The following KIF13B variants were observed in gnomAD, a reference collection of about 807,000 sequenced individuals.
The protein encoded by KIF13B is kinesin-like protein KIF13B.
A neutral mutation model predicts 222.0 loss-of-function variants in KIF13B; 127 were observed. That is an observed-to-expected ratio of 0.57 (90% CI 0.50 to 0.66). KIF13B has a LOEUF of 0.66. Ranked by LOEUF, KIF13B falls within the 30% of genes least tolerant of loss-of-function variation. The probability of loss-of-function intolerance (pLI) is 0.00; values close to 1 mark genes in which losing one functional copy is unlikely to be tolerated. For synonymous variants in KIF13B, 976 were observed against 919.0 expected (o/e 1.06, Z -1.12); for missense variants, 2,173 against 2,379.0 (o/e 0.91, Z 1.80).
intron 26 of KIF13B, among the ~76,000 whole-genome samples, chr8:29,125,925 T>G (rs1473558607): frequency 1.3e-5 from 2 of 151,818 alleles, no homozygotes; most frequent in South Asian, 2.1e-4. Flanking sequence ...GGGCCAACAT[T>G]GTGAAACCCC....
Position 29,070,600 on chromosome 8 carries a change from CGA to C in KIF13B, c.5383_5384del (p.Ser1795GlyfsTer24), listed in dbSNP as rs767942918. The C allele has an allele frequency of 7.5e-6, 12 of 1,593,938 alleles. No homozygotes were observed. Among genetic ancestry groups the C allele is most frequent in the East Asian group, 2.3e-5 (1 of 43,838 alleles). ...APEARRSATL[S>X]GSATNLASLT... is the part of the protein sequence containing the mutation. ...GCGAGGCCAGGTTGGTGGCGGAGCCCGAGAGGGTGGCGCTCCGGCGGGCCTCG... is the reference window on the plus strand; with the variant it reads ...GCGAGGCCAGGTTGGTGGCGGAGCCCGAGGGTGGCGCTCCGGCGGGCCTCG... On this transcript the variant is annotated frameshift_variant, in exon 40 of 40. Transcript: ENST00000524189. LOFTEE classifies it high-confidence loss of function. This position sits in a 1 kb window ranked among gnomAD's most constrained non-coding sequence, Gnocchi z 4.1.
At chr8:29,111,684 A>G (rs1586793217) in intron 32 of KIF13B, among the ~76,000 whole-genome samples, 1 of 152,184 alleles carries the variant, frequency 6.6e-6, no homozygotes, top group East Asian at 1.9e-4. Context: ...ACTAAGTGGG[A>G]GAGAAGGAAA....
At chr8:29,250,977 C>A (rs187301002) in intron 1 of KIF13B, among the ~76,000 whole-genome samples, 1 of 152,032 alleles carries the variant, frequency 6.6e-6, no homozygotes, top group East Asian at 1.9e-4. Flanking sequence ...ATGGTGAAAC[C>A]CCATCTCTAC....
At chr8:29,233,028 T>C (rs1435588715) in intron 2 of KIF13B, among the ~76,000 whole-genome samples, 1 of 152,192 alleles carries the variant, frequency 6.6e-6, no homozygotes, top group Non-Finnish European at 1.5e-5. Context: ...TGGTGGCATG[T>C]GCCTTTGATC....
chr8:29,224,992 C>T (rs905975062), intron 2 of KIF13B, among the ~76,000 whole-genome samples: 2 of 152,142 alleles, frequency 1.3e-5, no homozygotes, highest in African/African-American at 4.8e-5. Flanking sequence ...ATCTGGCAAA[C>T]ATGAGTACAG....
chr8:29,234,520 G>C (rs1701191993), intron 2 of KIF13B, among the ~76,000 whole-genome samples: 1 of 148,020 alleles, frequency 6.8e-6, no homozygotes, highest in African/African-American at 2.5e-5. Flanking sequence ...GGAGGAATGG[G>C]GATCTCGTAT....
intron 14 of KIF13B, among the ~76,000 whole-genome samples, chr8:29,151,647 TCA>T (rs1014757558): frequency 6.6e-6 from 1 of 152,222 alleles, no homozygotes; most frequent in African/African-American, 2.4e-5. Flanking sequence ...TCTGTTTACA[TCA>T]CAGTTTGCTG....
At chr8:29,186,246 G>A in intron 6 of KIF13B, 46 bp downstream of exon 6, 1 of 1,474,544 alleles carries the variant, frequency 6.8e-7, no homozygotes, top group South Asian at 1.3e-5. Context: ...ATTTAAGTCT[G>A]TTTCAGTTCA....
chr8:29,181,631 G>A (rs1314179808), intron 7 of KIF13B, among the ~76,000 whole-genome samples: 1 of 152,098 alleles, frequency 6.6e-6, no homozygotes, highest in African/African-American at 2.4e-5. Flanking sequence ...GCCCCAGAAT[G>A]GGAAAACAAC....
chr8:29,179,128 A>ATT lies in KIF13B; in HGVS notation c.720+974_720+975dup, dbSNP rs5890442. On this transcript the variant is annotated intron_variant, in intron 8 of 39. Transcript: ENST00000524189. ...AAGAACCTCTGCTAAATCAGCTAGAATTTTTTTTTTTTTGAGACAGAGTCT... is the reference window on the plus strand; with the variant it reads ...AAGAACCTCTGCTAAATCAGCTAGAATTTTTTTTTTTTTTTGAGACAGAGTCT... Among the ~76,000 whole-genome samples the ATT allele has an allele frequency of 4.2e-3, 621 of 149,090 alleles. 3 individuals are homozygous for ATT. Among genetic ancestry groups the ATT allele is most frequent in the East Asian group, 0.026 (134 of 5,088 alleles).
At chr8:29,181,676 T>C (rs1812718375) in intron 7 of KIF13B, among the ~76,000 whole-genome samples, 1 of 152,268 alleles carries the variant, frequency 6.6e-6, no homozygotes, top group Admixed American at 6.5e-5. Flanking sequence ...TCTAGATTGA[T>C]TCCAAACCCA....
At position 29,071,583 on chromosome 8, in the gene KIF13B, C is replaced by T. The variant is rs1486879030; in HGVS notation, c.5218+37G>A. ...CCACGTTCCTGCTTCCCCAGACCCC[C>T]GGCACCACCCTGGAGCCCGGAGTGC... is the stretch of plus-strand genomic sequence containing the variant. On this transcript the variant is annotated intron_variant, in intron 39 of 39. Coordinates refer to ENST00000524189, the MANE Select transcript of KIF13B (RefSeq NM_015254.4). The surrounding 1 kb of genome is among the most constrained non-coding windows in gnomAD (Gnocchi z 4.9). The T allele has an allele frequency of 3.3e-6, 5 of 1,516,126 alleles. No individual in the cohort carries two copies. The highest frequency in any genetic ancestry group is 1.4e-5 in the African/African-American group (1 of 72,584). The allele number at this position is 1,516,126 out of a possible 1,614,324, so 93.9% of individuals were successfully genotyped here.
chr8:29,077,820 G>A (rs1209713991), intron 37 of KIF13B, among the ~76,000 whole-genome samples: 1 of 152,168 alleles, frequency 6.6e-6, no homozygotes, highest in Non-Finnish European at 1.5e-5. Flanking sequence ...CAGCTCAACA[G>A]AGACTGCACC....
intron 12 of KIF13B, among the ~76,000 whole-genome samples, chr8:29,165,032 G>T (rs1277261676): frequency 6.6e-6 from 1 of 152,114 alleles, no homozygotes; most frequent in Non-Finnish European, 1.5e-5. Context: ...GTTTTTGGTA[G>T]AAACAGGGTT....
At chr8:29,193,563 T>C (rs1324702243) in intron 3 of KIF13B, among the ~76,000 whole-genome samples, 1 of 152,240 alleles carries the variant, frequency 6.6e-6, no homozygotes, top group Non-Finnish European at 1.5e-5. Context: ...CTGATTCTTG[T>C]AAGCTTAGTT....
chr8:29,166,878 T>C (rs909517370), intron 11 of KIF13B, among the ~76,000 whole-genome samples: 1 of 152,162 alleles, frequency 6.6e-6, no homozygotes, highest in East Asian at 1.9e-4. Context: ...ACTAAATACA[T>C]GGGTACTTCT....
intron 37 of KIF13B, among the ~76,000 whole-genome samples, chr8:29,088,138 C>T (rs1001424623): frequency 2.0e-5 from 3 of 151,834 alleles, no homozygotes; most frequent in Non-Finnish European, 2.9e-5. Flanking sequence ...TGGTGGCGGG[C>T]GCCTGTAATC....
chr8:29,238,104 G>T (rs573084272), intron 2 of KIF13B, among the ~76,000 whole-genome samples: 94 of 152,316 alleles, frequency 6.2e-4, no homozygotes, highest in African/African-American at 2.1e-3. Context: ...CAGGTCTATT[G>T]TGGGTACCAT....
intron 13 of KIF13B, among the ~76,000 whole-genome samples, chr8:29,158,880 G>A (rs150748147): frequency 2.6e-5 from 4 of 152,270 alleles, no homozygotes; most frequent in Admixed American, 6.5e-5. Context: ...CTTTGTTTAC[G>A]TTTTTAGTTA....
Sources: gnomAD v4.1 joint callset for allele counts (sites outside exome capture counted in the v4.1 genomes callset) on GRCh38, gnomAD v4.1.1 for gene constraint, Gnocchi (gnomAD v3.1) non-coding constraint, MANE v1.5 for transcripts, NCBI Gene and HGNC (gene_info 2026-07-23, HGNC 2026-07-21) for gene names.